Variants in TMEFF2 observed in about 807,000 individuals in gnomAD.
TMEFF2 encodes transmembrane protein with EGF like and two follistatin like domains 2.
TMEFF2 carries 28 observed loss-of-function variants against 53.8 expected under a neutral mutation model. The ratio of observed to expected loss-of-function variants is 0.52; its 90% CI spans 0.39 to 0.71. The LOEUF is 0.71. Among genes scored for constraint, TMEFF2 ranks in the 30% least tolerant of loss-of-function variants. The pLI, the probability that TMEFF2 is intolerant of heterozygous loss-of-function variation, is 0.00. For synonymous variants in TMEFF2, 162 were observed against 166.3 expected (o/e 0.97, Z 0.20); for missense variants, 353 against 455.2 (o/e 0.78, Z 2.04).
intron 4 of TMEFF2, among the ~76,000 whole-genome samples, chr2:192,144,875 A>C (rs539851285): frequency 2.0e-5 from 3 of 152,072 alleles, no homozygotes; most frequent in South Asian, 4.1e-4. Flanking sequence ...AAAATGATTA[A>C]AGTGATTAAA....
chr2:191,951,165 ATG>A (rs33981886), intron 9 of TMEFF2, among the ~76,000 whole-genome samples: 139 of 149,820 alleles, frequency 9.3e-4, no homozygotes, highest in Admixed American at 3.0e-3. Flanking sequence ...ATGTGTATGT[ATG>A]TGTGTGTGTG....
chr2:192,037,273 T>TAAG (rs1687322996), intron 5 of TMEFF2, among the ~76,000 whole-genome samples: 1 of 94,736 alleles, frequency 1.1e-5, no homozygotes, highest in African/African-American at 4.3e-5. Context: ...CTAGCCAAAA[T>TAAG]AAAGAAAGAA....
rs1009758449 is a variant in TMEFF2, at chr2:192,079,194, C to T, written c.440-21419G>A. 5.9e-5 allele frequency among the ~76,000 whole-genome samples: 9 copies of T among 152,150 alleles called. No homozygotes were observed. The South Asian group carries it at 8.3e-4, about 14-fold the overall frequency. ...GCTTTAGGGTCAGCCCATTTTTGCCCAATATGAGACTTCTATAATAAGCAA... is the reference window on the plus strand; with the variant it reads ...GCTTTAGGGTCAGCCCATTTTTGCCTAATATGAGACTTCTATAATAAGCAA... On this transcript the variant is annotated intron_variant, in intron 4 of 9. Coordinates refer to ENST00000272771, the MANE Select transcript of TMEFF2 (RefSeq NM_016192.4).
At chr2:192,125,840 A>G (rs1250796590) in intron 4 of TMEFF2, among the ~76,000 whole-genome samples, 1 of 152,280 alleles carries the variant, frequency 6.6e-6, no homozygotes, top group East Asian at 1.9e-4. Flanking sequence ...ACGTGGACAC[A>G]TGTTGGGAAA....
intron 7 of TMEFF2, among the ~76,000 whole-genome samples, chr2:191,970,804 T>C (rs1401063916): frequency 6.6e-6 from 1 of 152,186 alleles, no homozygotes; most frequent in Non-Finnish European, 1.5e-5. Flanking sequence ...AGCTGAAAGA[T>C]TGGTTTCGGC....
chr2:192,170,645 T>C (rs964639720), intron 4 of TMEFF2, among the ~76,000 whole-genome samples: 1 of 152,090 alleles, frequency 6.6e-6, no homozygotes, highest in Non-Finnish European at 1.5e-5. Context: ...TTGGAATGAA[T>C]GCAGTTTAAA....
At chr2:192,042,429 G>T (rs1360975501) in intron 5 of TMEFF2, among the ~76,000 whole-genome samples, 1 of 152,176 alleles carries the variant, frequency 6.6e-6, no homozygotes, top group Non-Finnish European at 1.5e-5. Flanking sequence ...AATGAGGTAT[G>T]CCTGTACTGA....
intron 5 of TMEFF2, among the ~76,000 whole-genome samples, chr2:192,003,451 G>A (rs1318266069): frequency 2.0e-5 from 3 of 152,148 alleles, no homozygotes; most frequent in Admixed American, 6.6e-5. Flanking sequence ...CCAAGGCTAT[G>A]TCTACTCTTG....
intron 4 of TMEFF2, among the ~76,000 whole-genome samples, chr2:192,067,545 TC>T (rs1484772361): frequency 1.3e-5 from 2 of 151,874 alleles, no homozygotes; most frequent in Non-Finnish European, 2.9e-5. Flanking sequence ...TCTTTCTAAG[TC>T]TTCCTTACAT....
At chr2:192,105,945 C>T (rs1192764915) in intron 4 of TMEFF2, among the ~76,000 whole-genome samples, 2 of 151,642 alleles carry the variant, frequency 1.3e-5, no homozygotes, top group African/African-American at 4.8e-5. Context: ...AAGAAATTGG[C>T]AATAAAAAAT....
chr2:192,026,821 C>A (rs1686981357), intron 5 of TMEFF2, among the ~76,000 whole-genome samples: 1 of 152,182 alleles, frequency 6.6e-6, no homozygotes, highest in East Asian at 1.9e-4. Context: ...CTTAGATCTA[C>A]AAAGACTTCT....
intron 7 of TMEFF2, among the ~76,000 whole-genome samples, chr2:191,993,581 T>G (rs1028232130): frequency 1.3e-5 from 2 of 151,996 alleles, no homozygotes; most frequent in Admixed American, 1.3e-4. Context: ...TATCTTAACT[T>G]TACTCCTGTT....
intron 8 of TMEFF2, among the ~76,000 whole-genome samples, chr2:191,955,196 ATCT>A (rs1559058885): frequency 2.1e-5 from 3 of 146,314 alleles, no homozygotes; most frequent in Non-Finnish European, 4.5e-5. Context: ...AGAGAGAGAA[ATCT>A]TCTGTTGTAA....
chr2:192,186,260 A>G (rs1205240276), intron 2 of TMEFF2, among the ~76,000 whole-genome samples: 1 of 152,198 alleles, frequency 6.6e-6, no homozygotes, highest in Admixed American at 6.5e-5. Flanking sequence ...AATTTGTTTT[A>G]ATTTACATCT....
intron 9 of TMEFF2, among the ~76,000 whole-genome samples, chr2:191,952,198 C>T (rs562055625): frequency 6.6e-5 from 10 of 152,182 alleles, no homozygotes; most frequent in East Asian, 3.9e-4. Context: ...TACACATATA[C>T]GATACACACA....
rs1034829845 is a variant in TMEFF2, at chr2:192,089,516, T to A, written c.440-31741A>T. 2.0e-5 allele frequency among the ~76,000 whole-genome samples: 3 copies of A among 152,088 alleles called. No individual in the cohort carries two copies. The South Asian group carries it at 6.2e-4, about 32-fold the overall frequency. On this transcript the variant is annotated intron_variant, in intron 4 of 9. Coordinates refer to ENST00000272771, the MANE Select transcript of TMEFF2 (RefSeq NM_016192.4). ...GCACCCAACTTCTGGAGTAAAACCC[T>A]TAGAATCTTTGACAGTCTTCATGTA...
At chr2:192,154,217 A>T (rs893536832) in intron 4 of TMEFF2, among the ~76,000 whole-genome samples, 2 of 151,944 alleles carry the variant, frequency 1.3e-5, no homozygotes, top group Non-Finnish European at 2.9e-5. Flanking sequence ...TTCCTCATCC[A>T]GAAGTGGTGT....
At chr2:191,980,177 A>C (rs1042286978) in intron 7 of TMEFF2, among the ~76,000 whole-genome samples, 3 of 152,222 alleles carry the variant, frequency 2.0e-5, no homozygotes, top group Non-Finnish European at 4.4e-5. Flanking sequence ...TAAAATAAAA[A>C]GGTAAAAGCA....
At chr2:192,061,690 G>C (rs1688047917) in intron 4 of TMEFF2, among the ~76,000 whole-genome samples, 1 of 152,120 alleles carries the variant, frequency 6.6e-6, no homozygotes, top group African/African-American at 2.4e-5. Flanking sequence ...CCTCAATGTT[G>C]GAGGTATGGG....
Sources: allele counts gnomAD v4.1 joint callset (sites outside exome capture counted in the v4.1 genomes callset), GRCh38; gene constraint gnomAD v4.1.1; transcripts MANE v1.5; gene names NCBI Gene and HGNC (gene_info 2026-07-23, HGNC 2026-07-21).